PGAP6: variants seen among roughly 807,000 people sequenced by gnomAD.
The protein encoded by PGAP6 is post-GPI attachment to proteins factor 6.
Under a neutral mutation model 68.4 loss-of-function variants are expected in PGAP6, and 62 were observed. The observed-to-expected ratio is 0.91, with a 90% CI of 0.74 to 1.12. The LOEUF (loss-of-function observed/expected upper bound fraction) is 1.12, where lower values mean the gene tolerates loss of function less well. Among genes scored for constraint, PGAP6 ranks in the 50% most tolerant of loss-of-function variants. The pLI, the probability that PGAP6 is intolerant of heterozygous loss-of-function variation, is 0.00. For synonymous variants in PGAP6, 575 were observed against 474.0 expected (o/e 1.21, Z -2.77); for missense variants, 1,188 against 1,068.5 (o/e 1.11, Z -1.56).
At chr16:385,704 A>C (rs1019084404), upstream of PGAP6, among the ~76,000 whole-genome samples, 1 of 137,196 alleles carries the variant, frequency 7.3e-6, no homozygotes, top group East Asian at 2.2e-4. Context: ...GGCTCACTGC[A>C]AGCTCCGCCT....
At chr16:376,942 C>A in intron 4 of PGAP6, 95 bp downstream of exon 4, 1 of 1,568,376 alleles carries the variant, frequency 6.4e-7, no homozygotes, top group Non-Finnish European at 8.6e-7. Context: ...CCCAGCCCAA[C>A]CCCAGGACTC....
At chr16:379,347 C>A (rs1597165083) in intron 1 of PGAP6, among the ~76,000 whole-genome samples, 1 of 152,232 alleles carries the variant, frequency 6.6e-6, no homozygotes, top group Non-Finnish European at 1.5e-5. Flanking sequence ...AGCAGCCTGT[C>A]GGCAAATCCA....
At chr16:373,444 C>G (rs1364186964) in intron 11 of PGAP6, among the ~76,000 whole-genome samples, 1 of 152,244 alleles carries the variant, frequency 6.6e-6, no homozygotes, top group Non-Finnish European at 1.5e-5. Flanking sequence ...CTGGCCTCCC[C>G]TGCCTACCAC....
At chr16:372,550 A>G in intron 12 of PGAP6, 61 bp downstream of exon 12, 1 of 1,353,430 alleles carries the variant, frequency 7.4e-7, no homozygotes, top group Non-Finnish European at 1.1e-6. Context: ...GGCTAGAGCA[A>G]GGGGCCAGGC....
chr16:386,276 A>T (rs1432956549), upstream of PGAP6, among the ~76,000 whole-genome samples: 1 of 152,044 alleles, frequency 6.6e-6, no homozygotes, highest in Non-Finnish European at 1.5e-5. Flanking sequence ...TTTTCTCCAA[A>T]TAACCACCCT....
chr16:379,610 C>T (rs935206200), intron 1 of PGAP6, among the ~76,000 whole-genome samples: 13 of 152,228 alleles, frequency 8.5e-5, no homozygotes, highest in South Asian at 2.1e-4. Flanking sequence ...CACACACAGC[C>T]CCTGGGCTGC....
intron 11 of PGAP6, among the ~76,000 whole-genome samples, 167 bp downstream of exon 11, chr16:373,838 C>T (rs965550061): frequency 1.3e-5 from 2 of 148,364 alleles, no homozygotes; most frequent in South Asian, 2.1e-4. Flanking sequence ...CCACCATGCT[C>T]GGCCTAGGGA....
At chr16:385,389 G>A (rs1279938494), upstream of PGAP6, among the ~76,000 whole-genome samples, 2 of 126,252 alleles carry the variant, frequency 1.6e-5, no homozygotes, top group African/African-American at 3.1e-5. Flanking sequence ...CTCGGCTCAC[G>A]CAAGCTCCAC....
chr16:371,653 C>T lies in PGAP6; in HGVS notation c.*334G>A. On this transcript the variant is annotated 3_prime_UTR_variant, in exon 13 of 13. Transcript: ENST00000431232. ...GAACAGGACCATAGGGAGTCCTTCT[C>T]CCCATCTCTAGCCACCCACAGGCCA... The T allele has an allele frequency of 6.3e-6, 2 of 316,742 alleles. No individual in the cohort carries two copies. Among genetic ancestry groups the T allele is most frequent in the Non-Finnish European group, 1.2e-5 (2 of 166,496 alleles). The allele number at this position is 316,742 out of a possible 1,614,324, so 19.6% of individuals were successfully genotyped here.
chr16:375,420 C>CGT lies in PGAP6; in HGVS notation c.1238_1239dup (p.Glu414ThrfsTer5). 2 of 1,612,430 alleles carry CGT rather than the reference C, an allele frequency of 1.2e-6. No individual in the cohort carries two copies. The highest frequency in any genetic ancestry group is 1.7e-6 in the Non-Finnish European group (2 of 1,179,950). On this transcript the variant is annotated frameshift_variant, in exon 7 of 13. Coordinates refer to ENST00000431232, the MANE Select transcript of PGAP6 (RefSeq NM_021259.3). LOFTEE classifies it high-confidence loss of function. Reference sequence around the variant, plus strand: ...TTCACGCAGGCCACTACGACGGTCTCGTTCCGCATCTCTGTCTGGAAAGGG... The same window carrying CGT: ...TTCACGCAGGCCACTACGACGGTCTCGTGTTCCGCATCTCTGTCTGGAAAGGG...
chr16:373,027 C>A (rs575849106), intron 11 of PGAP6, among the ~76,000 whole-genome samples: 1 of 152,198 alleles, frequency 6.6e-6, no homozygotes, highest in Non-Finnish European at 1.5e-5. Context: ...CACTCACTAG[C>A]CCCCTGTACC....
Position 377,501 on chromosome 16 carries a change from C to T in PGAP6, c.384G>A (p.Gln128=). Residue 128 remains glutamine (Q), a synonymous_variant, in exon 3 of 13, where the codon CAG becomes CAA. Transcript: ENST00000431232. The part of the protein sequence containing the change: ...PDDTAVQPSF[Q]VGVPLSTTPR... ...GTGTGGTGCTCAGCGGCACCCCGAC[C>T]TGGAAGGAGGGCTGTACCGCGGTGT... 6.2e-7 allele frequency: 1 copy of T among 1,604,154 alleles called. No individual in the cohort carries two copies. Among genetic ancestry groups the T allele is most frequent in the Non-Finnish European group, 8.5e-7 (1 of 1,176,050 alleles).
chr16:386,152 C>G (rs993648750), upstream of PGAP6, among the ~76,000 whole-genome samples: 6 of 152,092 alleles, frequency 3.9e-5, no homozygotes, highest in East Asian at 1.2e-3. Context: ...GGTGTGGGAG[C>G]AGCTTTCCAC....
chr16:373,973 G>C, intron 11 of PGAP6, 32 bp downstream of exon 11: 1 of 1,574,870 alleles, frequency 6.3e-7, no homozygotes, highest in South Asian at 1.1e-5. Context: ...CTGCTCCCCC[G>C]GAGCCCACAC....
upstream of PGAP6, among the ~76,000 whole-genome samples, chr16:382,685 A>AGG (rs2054454360): frequency 6.9e-6 from 1 of 145,252 alleles, no homozygotes; most frequent in Non-Finnish European, 1.5e-5. Flanking sequence ...TTTCCGTCTT[A>AGG]GGGCCAAGTC....
chr16:376,911 G>T, intron 4 of PGAP6, 99 bp from the exon 5 acceptor site: 2 of 1,559,416 alleles, frequency 1.3e-6, no homozygotes, highest in Non-Finnish European at 1.7e-6. Context: ...CTCTGGTGGG[G>T]GCCAGGCATC....
At position 372,647 on chromosome 16, in the gene PGAP6, G is replaced by A; in HGVS notation, c.1983C>T (p.Pro661=). 1 of 1,612,406 alleles carries A rather than the reference G, an allele frequency of 6.2e-7. No individual in the cohort carries two copies. The highest frequency in any genetic ancestry group is 8.5e-7 in the Non-Finnish European group (1 of 1,179,880). ...CCATGATCACGAAGGCAAAGAGGCA[G>A]GGCCCCAGCATGTTCCACATGCCCC... The part of the protein sequence containing the change: ...DRRGMWNMLG[P]CLFAFVIMAS... The change falls in exon 12 of 13, where the codon CCC becomes CCT. Residue 661 remains proline, a synonymous_variant. Transcript: ENST00000431232.
At chr16:386,469 G>T (rs2054485378), upstream of PGAP6, among the ~76,000 whole-genome samples, 1 of 151,984 alleles carries the variant, frequency 6.6e-6, no homozygotes, top group South Asian at 2.1e-4. Flanking sequence ...CAGGAGATGG[G>T]TCTCTCTCAC....
Position 381,852 on chromosome 16 carries a change from C to G in PGAP6, c.-31G>C. 1.0e-6 allele frequency: 1 copy of G among 987,030 alleles called. No homozygotes were observed. Among genetic ancestry groups the G allele is most frequent in the South Asian group, 4.5e-5 (1 of 22,118 alleles). 61.1% of individuals were successfully genotyped at this position (987,030 alleles called of 1,614,324 possible). A position where few individuals can be genotyped will look rare whatever the true frequency, so the allele number is the denominator to read the frequency against. On this transcript the variant is annotated 5_prime_UTR_variant, in exon 1 of 13. Transcript: ENST00000431232. ...CGCGCTCGGCCCGGCGCTACCCGGC[C>G]CGCGTCCCGCGCCGCCGGCCCCCGC... is the stretch of plus-strand genomic sequence containing the variant.
Sources: allele counts gnomAD v4.1 joint callset (sites outside exome capture counted in the v4.1 genomes callset), GRCh38; gene constraint gnomAD v4.1.1; transcripts MANE v1.5; gene names NCBI Gene and HGNC (gene_info 2026-07-23, HGNC 2026-07-21).